The following FCRL1 variants were observed in gnomAD, a reference collection of about 807,000 sequenced individuals.
FCRL1 encodes the protein Fc receptor-like protein 1.
In FCRL1, 34 loss-of-function variants were observed where a neutral mutation model predicts 49.2. The observed-to-expected ratio is 0.69, with a 90% CI of 0.53 to 0.92. The LOEUF is 0.92. Among genes scored for constraint, FCRL1 ranks in the 40% least tolerant of loss-of-function variants. FCRL1 has a pLI of 0.00. For synonymous variants in FCRL1, 218 were observed against 201.6 expected (o/e 1.08, Z -0.69); for missense variants, 524 against 524.1 (o/e 1.00, Z 0.00).
intron 1 of FCRL1, among the ~76,000 whole-genome samples, chr1:157,819,537 G>C (rs1455869201): frequency 6.6e-6 from 1 of 152,098 alleles, no homozygotes; most frequent in African/African-American, 2.4e-5. Context: ...GCAGGAGAAA[G>C]TGAGCTAGAA....
chr1:157,796,193 G>C (rs1204933521), intron 10 of FCRL1, 23 bp from the exon 11 acceptor site: 3 of 1,603,258 alleles, frequency 1.9e-6, no homozygotes, highest in African/African-American at 1.3e-5. Context: ...ATTAGGACTA[G>C]AGCAGGGAAG....
At chr1:157,802,696 C>T (rs1428566131) in intron 3 of FCRL1, 32 bp from the exon 4 acceptor site, 2 of 1,591,616 alleles carry the variant, frequency 1.3e-6, no homozygotes, top group Admixed American at 1.7e-5. Context: ...TAGGAAGACC[C>T]TGTGCAGGGA....
At chr1:157,807,170 A>G (rs767619870) in intron 1 of FCRL1, 48 bp from the exon 2 acceptor site, 7 of 1,599,182 alleles carry the variant, frequency 4.4e-6, no homozygotes, top group Middle Eastern at 3.3e-4. Context: ...AAATCCCACA[A>G]ATCTCCAAAG....
chr1:157,813,996 A>G (rs1654701849), intron 1 of FCRL1, among the ~76,000 whole-genome samples: 1 of 152,202 alleles, frequency 6.6e-6, no homozygotes, highest in Non-Finnish European at 1.5e-5. Flanking sequence ...GCTGTCTTTC[A>G]GAAATGAAGG....
chr1:157,811,553 G>A (rs1654318634), intron 1 of FCRL1, among the ~76,000 whole-genome samples: 1 of 152,164 alleles, frequency 6.6e-6, no homozygotes. Context: ...CAGGACCTAA[G>A]TCCAGTTTTG....
At chr1:157,802,870 C>T (rs1447510817) in intron 3 of FCRL1, among the ~76,000 whole-genome samples, 2 of 152,168 alleles carry the variant, frequency 1.3e-5, no homozygotes, top group South Asian at 2.1e-4. Flanking sequence ...CCATACAAGG[C>T]ATAGCATCAC....
intron 2 of FCRL1, among the ~76,000 whole-genome samples, chr1:157,805,848 A>G (rs1044427117): frequency 2.6e-5 from 4 of 152,186 alleles, no homozygotes; most frequent in African/African-American, 9.7e-5. Context: ...GTGAGCTGAG[A>G]TCACACCACT....
intron 7 of FCRL1, among the ~76,000 whole-genome samples, chr1:157,798,504 C>T (rs1047561210): frequency 3.9e-5 from 6 of 152,082 alleles, no homozygotes; most frequent in Non-Finnish European, 8.8e-5. Context: ...TAGTGTCATT[C>T]ACATCATGAG....
At chr1:157,810,362 T>G (rs1043514389) in intron 1 of FCRL1, among the ~76,000 whole-genome samples, 1 of 151,696 alleles carries the variant, frequency 6.6e-6, no homozygotes, top group African/African-American at 2.4e-5. Flanking sequence ...AGTGGCATGA[T>G]CTTGGCTCAT....
intron 1 of FCRL1, among the ~76,000 whole-genome samples, chr1:157,810,739 A>G (rs1267514883): frequency 6.6e-6 from 1 of 152,208 alleles, no homozygotes; most frequent in South Asian, 2.1e-4. Context: ...AATATTAAAT[A>G]AAGAATGAAA....
At chr1:157,797,160 A>T in intron 9 of FCRL1, 28 bp from the exon 10 acceptor site, 2 of 1,610,896 alleles carry the variant, frequency 1.2e-6, no homozygotes, top group Non-Finnish European at 1.7e-6. Flanking sequence ...GTGCTGTGAC[A>T]TTCCACTTAT....
At chr1:157,797,644 G>T (rs1053333957) in intron 9 of FCRL1, 9 of 1,181,130 alleles carry the variant, frequency 7.6e-6, no homozygotes, top group Middle Eastern at 2.8e-4. Context: ...TATAATTTAA[G>T]AAATTTGACA....
chr1:157,818,230 G>A (rs6657802), intron 1 of FCRL1, among the ~76,000 whole-genome samples: 66,862 of 151,870 alleles, frequency 0.44, 15,038 homozygotes, highest in African/African-American at 0.53. Context: ...CACTATTCAC[G>A]ATAGCCAAGA....
rs141381579 is a variant in FCRL1 at position 157,802,628 on chromosome 1, G to T, written c.356C>A (p.Pro119His). The T allele has an allele frequency of 1.1e-5, 18 of 1,613,944 alleles. No homozygotes were observed. The highest frequency in any genetic ancestry group is 1.3e-5 in the Non-Finnish European group (15 of 1,179,942). Residue 119 changes from proline to histidine, a missense_variant, in exon 4 of 11, where the codon CCC (proline) becomes CAC (histidine). Transcript: ENST00000368176. ...PVADVSLETQPPGGQVMEGDR... is the reference protein window; with the variant it reads ...PVADVSLETQHPGGQVMEGDR... ...TCCCTCCATCACCTGTCCTCCTGGG[G>T]GCTGAGTCTCCAAGCTCACATCAGC...
chr1:157,800,321 A>G (rs764378740), intron 6 of FCRL1, among the ~76,000 whole-genome samples: 2 of 152,220 alleles, frequency 1.3e-5, no homozygotes, highest in Non-Finnish European at 2.9e-5. Flanking sequence ...TACCAGATCT[A>G]GGACTTGGGA....
chr1:157,801,570 A>G lies in FCRL1; in HGVS notation c.894T>C (p.Thr298=), dbSNP rs1378039042. ...AGGTAAGATGATTGCTTCTGGCCCC[A>G]GTAGGCACTAGAGGGAGAGACCTGT... is the stretch of plus-strand genomic sequence containing the variant. ...EAVTLNFTVP[T]GARSNHLTSG... The change falls in exon 6 of 11, where the codon ACT becomes ACC. Residue 298 remains threonine, a synonymous_variant. Transcript: ENST00000368176. The G allele has an allele frequency of 2.5e-6, 4 of 1,609,730 alleles. No individual in the cohort carries two copies. The East Asian group carries it at 6.7e-5, about 27-fold the overall frequency.
At chr1:157,801,851 A>C (rs1652527462) in intron 5 of FCRL1, 64 bp downstream of exon 5, 2,779 of 1,544,908 alleles carry the variant, frequency 1.8e-3, no homozygotes, top group Non-Finnish European at 2.2e-3. Context: ...TGGCACCAGC[A>C]AAACTCTCCC....
intron 6 of FCRL1, among the ~76,000 whole-genome samples, 196 bp from the exon 7 acceptor site, chr1:157,800,281 T>A (rs1038430093): frequency 6.6e-6 from 1 of 152,338 alleles, no homozygotes; most frequent in South Asian, 2.1e-4. Flanking sequence ...AGGTCCTGAA[T>A]AATTAAGTGA....
rs753989288 is a variant in FCRL1 at position 157,802,581 on chromosome 1, A to C, written c.403T>G (p.Ser135Ala). Residue 135 changes from serine to alanine, a missense_variant, in exon 4 of 11, where the codon TCA (serine) becomes GCA (alanine). By Grantham distance (99) the Ser-to-Ala change is moderately conservative (BLOSUM62 1). Transcript: ENST00000368176. ...ATGTCTCCTGTGCCCATAGCAACTG[A>C]GCAGATGAGGACCAGCCTGTCTCCC... is the stretch of plus-strand genomic sequence containing the variant. ...MEGDRLVLIC[S>A]VAMGTGDITF... 3.7e-6 allele frequency: 6 copies of C among 1,614,134 alleles called. No homozygotes were observed. The Admixed American group carries it at 8.3e-5, about 22-fold the overall frequency.
Sources: gnomAD v4.1 joint callset for allele counts (sites outside exome capture counted in the v4.1 genomes callset) on GRCh38, gnomAD v4.1.1 for gene constraint, MANE v1.5 for transcripts, NCBI Gene and HGNC (gene_info 2026-07-23, HGNC 2026-07-21) for gene names.